Variants in SLC1A5 observed in about 807,000 individuals in gnomAD.
SLC1A5 encodes the protein solute carrier family 1 member 5.
In SLC1A5, 25 loss-of-function variants were observed where a neutral mutation model predicts 34.9. The ratio of observed to expected loss-of-function variants is 0.72; its 90% confidence interval spans 0.52 to 1.00. The LOEUF is 1.00. SLC1A5 is among the 50% of genes least tolerant of loss of function. The pLI is 0.00. For missense variants in SLC1A5, 637 were observed against 740.0 expected (o/e 0.86, Z 1.61); for synonymous variants, 351 against 341.2 (o/e 1.03, Z -0.32).
At chr19:46,781,707 T>C (rs973169056) in intron 4 of SLC1A5, among the ~76,000 whole-genome samples, 11 of 152,150 alleles carry the variant, frequency 7.2e-5, no homozygotes, top group African/African-American at 2.7e-4. Context: ...TCCCTTCTTG[T>C]AAGTCACAGA....
rs748915733 is a variant in SLC1A5, at chr19:46,782,383, C to G, written c.824G>C (p.Trp275Ser). 2.0e-6 allele frequency: 3 copies of G among 1,531,290 alleles called. No homozygotes were observed. Among genetic ancestry groups the G allele is most frequent in the Non-Finnish European group, 8.9e-7 (1 of 1,124,060 alleles). The allele number at this position is 1,531,290 out of a possible 1,614,324, so 94.9% of individuals were successfully genotyped here. Reference sequence around the variant, plus strand: ...CCCAGCCTCCTCTCCCACCACCTACCACATGATCCAGGAGACCAGAACCAT... The same window carrying G: ...CCCAGCCTCCTCTCCCACCACCTACGACATGATCCAGGAGACCAGAACCAT... ...ATMVLVSWIM[W>S]YAPVGIMFLV... The change falls in exon 4 of 8, where the codon TGG (tryptophan) becomes TCG (serine). Residue 275 changes from tryptophan (W) to serine (S), a missense_variant and splice_region_variant. Trp to Ser is a radical substitution (Grantham distance 177). Coordinates refer to ENST00000542575, the MANE Select transcript of SLC1A5 (RefSeq NM_005628.3).
At chr19:46,777,921 C>T (rs950603728) in intron 5 of SLC1A5, among the ~76,000 whole-genome samples, 26 of 152,026 alleles carry the variant, frequency 1.7e-4, no homozygotes, top group African/African-American at 5.3e-4. Context: ...ATTACAAAAT[C>T]CATGAGTCCT....
In SLC1A5 at chr19:46,788,012, C is replaced by A. The variant is rs761486706; in HGVS notation, c.-47G>T. 1 of 1,480,090 alleles carries A rather than the reference C, an allele frequency of 6.8e-7. No homozygotes were observed. The highest frequency in any genetic ancestry group is 9.0e-7 in the Non-Finnish European group (1 of 1,116,540). The allele number at this position is 1,480,090 out of a possible 1,614,324, so 91.7% of individuals were successfully genotyped here. On this transcript the variant is annotated 5_prime_UTR_variant, in exon 1 of 8. Coordinates refer to ENST00000542575, the MANE Select transcript of SLC1A5 (RefSeq NM_005628.3). ...TTAGCGCCTGGAAGCTGGCTGGGAG[C>A]GCTTGGGCTCCTTCCCAGGACCCGA...
At chr19:46,775,896 G>T in intron 7 of SLC1A5, 149 bp from the exon 8 acceptor site, 1 of 668,020 alleles carries the variant, frequency 1.5e-6, no homozygotes, top group Non-Finnish European at 2.2e-6. Context: ...AACATAGTGA[G>T]ATCCCATCTT....
chr19:46,778,195 A>C (rs1392189934), intron 5 of SLC1A5, among the ~76,000 whole-genome samples: 5 of 152,158 alleles, frequency 3.3e-5, no homozygotes, highest in African/African-American at 1.2e-4. Context: ...TTTGGAGGCC[A>C]AGGTGGGCGG....
At chr19:46,782,346 A>ACCCCCCCCCCCCCCCCCCCCCCCACCCCC in intron 4 of SLC1A5, 37 bp downstream of exon 4, 13 of 567,978 alleles carry the variant, frequency 2.3e-5, no homozygotes, top group Non-Finnish European at 3.2e-5. Flanking sequence ...CGACCCTCCA[A>ACCCCCCCCCCCCCCCCCCCCCCCACCCCC]CCCCACCCAC....
chr19:46,788,288 G>A lies in SLC1A5; in HGVS notation c.-323C>T, dbSNP rs2055201061. On this transcript the variant is annotated 5_prime_UTR_variant, in exon 1 of 8. Coordinates refer to ENST00000542575, the MANE Select transcript of SLC1A5 (RefSeq NM_005628.3). ...GAGAGTTTCTCTGGGTGGGACGTGG[G>A]GCCCTTGGCTCCAGGAGGTTGAGTG... The A allele has an allele frequency of 6.3e-6, 2 of 319,774 alleles. No homozygotes were observed. The highest frequency in any genetic ancestry group is 1.1e-5 in the Non-Finnish European group (2 of 175,160). The allele number at this position is 319,774 out of a possible 1,614,324, so 19.8% of individuals were successfully genotyped here.
Position 46,787,257 on chromosome 19 carries a change from C to T in SLC1A5, c.566+143G>A. ...GACTCACACTCCCGAGGGCTGGAGCCTCCCCTCAATATCCTGTCGAGTTTT... is the reference window on the plus strand; with the variant it reads ...GACTCACACTCCCGAGGGCTGGAGCTTCCCCTCAATATCCTGTCGAGTTTT... On this transcript the variant is annotated intron_variant, in intron 1 of 7. Transcript: ENST00000542575. The surrounding 1 kb of genome is among the most constrained non-coding windows in gnomAD (Gnocchi z 5.2). The T allele has an allele frequency of 6.9e-7, 1 of 1,448,750 alleles. No homozygotes were observed. The allele number at this position is 1,448,750 out of a possible 1,614,324, so 89.7% of individuals were successfully genotyped here. A position where few individuals can be genotyped will look rare whatever the true frequency, so the allele number is the denominator to read the frequency against.
At position 46,778,707 on chromosome 19, in the gene SLC1A5, C is replaced by T. The variant is rs1302377850; in HGVS notation, c.1026G>A (p.Thr342=). 8 of 1,605,740 alleles carry T rather than the reference C, an allele frequency of 5.0e-6. No individual in the cohort carries two copies. The African/African-American group carries it at 5.4e-5, about 11-fold the overall frequency. ...NPYRFLWGIV[T]PLATAFGTSS... ...AGGTCCCAAAGGCAGTGGCCAGCGG[C>T]GTCACGATGCCCCACAGGAAGCGGT... is the stretch of plus-strand genomic sequence containing the variant. Residue 342 remains threonine (T), a synonymous_variant, in exon 5 of 8, where the codon ACG becomes ACA. Coordinates refer to ENST00000542575, the MANE Select transcript of SLC1A5 (RefSeq NM_005628.3).
intron 4 of SLC1A5, among the ~76,000 whole-genome samples, chr19:46,779,911 G>C (rs998881094): frequency 6.6e-6 from 1 of 151,568 alleles, no homozygotes; most frequent in African/African-American, 2.4e-5. Context: ...GGAGTGCAGT[G>C]GCATGATCTC....
rs1375283399 is a variant in SLC1A5, at chr19:46,777,216, G to C, written c.1248C>G (p.Thr416=). The change falls in exon 6 of 8, where the codon ACC becomes ACG. Residue 416 remains threonine (T), a synonymous_variant. Coordinates refer to ENST00000542575, the MANE Select transcript of SLC1A5 (RefSeq NM_005628.3). ...QQSLDFVKII[T]ILVTATASSV... ...CGCAGCCCCCTGACACTCACAGGAT[G>C]GTGATGATCTTTACGAAGTCCAAGG... is the stretch of plus-strand genomic sequence containing the variant. The C allele has an allele frequency of 1.2e-6, 2 of 1,603,858 alleles. No homozygotes were observed. The highest frequency in any genetic ancestry group is 1.1e-5 in the South Asian group (1 of 90,070).
At chr19:46,779,659 A>G (rs1334983236) in intron 4 of SLC1A5, among the ~76,000 whole-genome samples, 28 of 152,082 alleles carry the variant, frequency 1.8e-4, no homozygotes, top group Admixed American at 1.8e-3. Flanking sequence ...GCACTTTAGG[A>G]GGTGAAAGCA....
rs766641048 is a variant in SLC1A5, at chr19:46,787,875, G to T, written c.91C>A (p.Gln31Lys). ...CAGTAGCCGCCTGCTGCCGCGCCTTGGTCCTCGATGGAGGCCAGCGCCAGG... is the reference window on the plus strand; with the variant it reads ...CAGTAGCCGCCTGCTGCCGCGCCTTTGTCCTCGATGGAGGCCAGCGCCAGG... ...GGLALASIED[Q>K]GAAAGGYCGS... Residue 31 changes from glutamine (Q) to lysine (K), a missense_variant, in exon 1 of 8, where the codon CAA (glutamine) becomes AAA (lysine). Coordinates refer to ENST00000542575, the MANE Select transcript of SLC1A5 (RefSeq NM_005628.3). The surrounding 1 kb of genome is among the most constrained non-coding windows in gnomAD (Gnocchi z 5.2). The T allele has an allele frequency of 6.4e-7, 1 of 1,563,516 alleles. No homozygotes were observed.
At chr19:46,782,346 A>AACCCCCCCCCCCCCCCCCCCCCCCCC in intron 4 of SLC1A5, 37 bp downstream of exon 4, 14 of 567,980 alleles carry the variant, frequency 2.5e-5, no homozygotes, top group South Asian at 5.3e-5. Flanking sequence ...CGACCCTCCA[A>AACCCCCCCCCCCCCCCCCCCCCCCCC]CCCCACCCAC....
chr19:46,785,840 G>T (rs1183938000), intron 1 of SLC1A5, among the ~76,000 whole-genome samples: 2 of 152,150 alleles, frequency 1.3e-5, no homozygotes, highest in Non-Finnish European at 2.9e-5. Flanking sequence ...AGCCTTTTGG[G>T]AGGCTGAGGT....
At chr19:46,784,473 TC>T (rs757228916) in intron 2 of SLC1A5, 43 bp downstream of exon 2, 4 of 1,611,046 alleles carry the variant, frequency 2.5e-6, no homozygotes, top group Non-Finnish European at 3.4e-6. Context: ...CTGGCATCCC[TC>T]CCTGTCCACC....
chr19:46,783,423 G>A (rs1232784248), intron 3 of SLC1A5, among the ~76,000 whole-genome samples: 3 of 143,874 alleles, frequency 2.1e-5, no homozygotes, highest in South Asian at 2.2e-4. Context: ...CCGAGATCAC[G>A]CCATTGCATT....
chr19:46,778,821 C>A lies in SLC1A5; in HGVS notation c.912G>T (p.Lys304Asn). 1.2e-6 allele frequency: 2 copies of A among 1,611,702 alleles called. No homozygotes were observed. Among genetic ancestry groups the A allele is most frequent in the Non-Finnish European group, 1.7e-6 (2 of 1,178,866 alleles). The change falls in exon 5 of 8, where the codon AAG becomes AAT. Residue 304 changes from lysine (K) to asparagine (N), a missense_variant. Coordinates refer to ENST00000542575, the MANE Select transcript of SLC1A5 (RefSeq NM_005628.3). ...DVGLLFARLG[K>N]YILCCLLGHA... Reference sequence around the variant, plus strand: ...GACCCAGCAGGCAGCACAGAATGTACTTGCCAAGGCGGGCAAAGAGTAAAC... The same window carrying A: ...GACCCAGCAGGCAGCACAGAATGTAATTGCCAAGGCGGGCAAAGAGTAAAC...
intron 5 of SLC1A5, among the ~76,000 whole-genome samples, chr19:46,778,420 G>A (rs112358214): frequency 6.6e-6 from 1 of 151,982 alleles, no homozygotes; most frequent in African/African-American, 2.4e-5. Context: ...AGAGCGAGAC[G>A]CCATTGTTTA....
Sources: gnomAD v4.1 joint callset for allele counts (sites outside exome capture counted in the v4.1 genomes callset) on GRCh38, gnomAD v4.1.1 for gene constraint, Gnocchi (gnomAD v3.1) non-coding constraint, MANE v1.5 for transcripts, NCBI Gene and HGNC (gene_info 2026-07-23, HGNC 2026-07-21) for gene names.